The following STK10 variants were observed in gnomAD, a reference collection of about 807,000 sequenced individuals.
STK10 encodes serine/threonine-protein kinase 10.
In STK10, 78 loss-of-function variants were observed where a neutral mutation model predicts 113.8. That is an observed-to-expected ratio of 0.69 (90% confidence interval 0.57 to 0.83). The LOEUF (loss-of-function observed/expected upper bound fraction) is 0.83. Among genes scored for constraint, STK10 ranks in the 40% least tolerant of loss-of-function variants. The pLI is 0.00. For synonymous variants in STK10, 465 were observed against 494.7 expected (o/e 0.94, Z 0.80); for missense variants, 1,109 against 1,280.1 (o/e 0.87, Z 2.04).
chr5:172,184,465 T>G (rs1770916803), intron 1 of STK10, among the ~76,000 whole-genome samples: 1 of 152,078 alleles, frequency 6.6e-6, no homozygotes, highest in Non-Finnish European at 1.5e-5. Context: ...CATATGGGGT[T>G]GGCTTAGGTC....
At chr5:172,147,175 G>C (rs964270909) in intron 2 of STK10, among the ~76,000 whole-genome samples, 1 of 152,158 alleles carries the variant, frequency 6.6e-6, no homozygotes, top group Non-Finnish European at 1.5e-5. Context: ...GTGAGGCTGG[G>C]GGAAGGGGCA....
At chr5:172,051,373 C>G (rs1767623793) in intron 18 of STK10, among the ~76,000 whole-genome samples, 1 of 152,060 alleles carries the variant, frequency 6.6e-6, no homozygotes, top group African/African-American at 2.4e-5. Flanking sequence ...GCCTGTAATC[C>G]CAGCACTTTG....
intron 3 of STK10, among the ~76,000 whole-genome samples, chr5:172,126,781 G>C (rs1177580971): frequency 6.6e-6 from 1 of 152,168 alleles, no homozygotes; most frequent in African/African-American, 2.4e-5. Context: ...TTTACTGAAT[G>C]TGTGGGTATC....
intron 1 of STK10, among the ~76,000 whole-genome samples, chr5:172,180,938 T>G (rs1340013326): frequency 6.6e-6 from 1 of 152,216 alleles, no homozygotes; most frequent in South Asian, 2.1e-4. Context: ...AGGGAGTGAT[T>G]CTGCTATAAT....
At chr5:172,173,964 G>A (rs1456576188) in intron 1 of STK10, among the ~76,000 whole-genome samples, 1 of 152,206 alleles carries the variant, frequency 6.6e-6, no homozygotes, top group African/African-American at 2.4e-5. Flanking sequence ...GAGGTGACTT[G>A]CCCAAAGTCA....
intron 1 of STK10, 107 bp from the exon 2 acceptor site, chr5:172,156,895 C>G: frequency 7.6e-7 from 1 of 1,316,738 alleles, no homozygotes; most frequent in South Asian, 1.4e-5. Flanking sequence ...GGCCGGATGT[C>G]CAGATGCTGA....
intron 2 of STK10, among the ~76,000 whole-genome samples, chr5:172,134,923 CAAAAAA>C (rs546228084): frequency 7.9e-6 from 1 of 126,726 alleles, no homozygotes; most frequent in Admixed American, 8.1e-5. Context: ...GACTTTATCT[CAAAAAA>C]AAAAAGAAAA....
chr5:172,080,436 C>G (rs1341143296), intron 12 of STK10, among the ~76,000 whole-genome samples: 1 of 152,210 alleles, frequency 6.6e-6, no homozygotes, highest in East Asian at 1.9e-4. Context: ...AGAAAACCTA[C>G]TGGGTCAAAA....
intron 2 of STK10, among the ~76,000 whole-genome samples, chr5:172,135,725 G>A (rs969574483): frequency 2.0e-5 from 3 of 152,126 alleles, no homozygotes; most frequent in Admixed American, 2.0e-4. Context: ...ATGTTCATTA[G>A]CTAAACAGAC....
intron 1 of STK10, among the ~76,000 whole-genome samples, chr5:172,157,581 T>C (rs1770377276): frequency 1.3e-5 from 2 of 152,112 alleles, no homozygotes; most frequent in Admixed American, 1.3e-4. Flanking sequence ...TTTTTAAATC[T>C]GTTTAAAAAT....
In STK10 at chr5:172,106,773, G is replaced by T. The variant is rs771114884; in HGVS notation, c.635C>A (p.Thr212Lys). Residue 212 changes from threonine (T) to lysine (K), a missense_variant, in exon 6 of 19, where the codon ACG (threonine) becomes AAG (lysine). Thr to Lys is a moderately conservative substitution (Grantham distance 78, BLOSUM62 -1). Coordinates refer to ENST00000176763, the MANE Select transcript of STK10 (RefSeq NM_005990.4). ...EVVMCETMKD[T>K]PYDYKADIWS... is the part of the protein sequence containing the mutation. ...GATGTCGGCTTTGTAGTCGTAGGGCGTGTCTTTCATGGTCTCACACATGAC... is the reference window on the plus strand; with the variant it reads ...GATGTCGGCTTTGTAGTCGTAGGGCTTGTCTTTCATGGTCTCACACATGAC... 1 of 1,614,164 alleles carries T rather than the reference G, an allele frequency of 6.2e-7. No individual in the cohort carries two copies. Among genetic ancestry groups the T allele is most frequent in the South Asian group, 1.1e-5 (1 of 91,082 alleles).
At position 172,055,310 on chromosome 5, in the gene STK10, C is replaced by A; in HGVS notation, c.2526+278G>T. Among the ~76,000 whole-genome samples, 3 of 152,144 alleles carry A rather than the reference C, an allele frequency of 2.0e-5. No individual in the cohort carries two copies. The South Asian group carries it at 6.2e-4, about 32-fold the overall frequency. On this transcript the variant is annotated intron_variant, in intron 16 of 18. Transcript: ENST00000176763. ...TGCCTCCCGGGCTCAAGCGATCCTC[C>A]CACCTCGGCCTTCCAAATAGCCACC...
At chr5:172,102,543 C>G (rs114924598) in intron 7 of STK10, among the ~76,000 whole-genome samples, 6,742 of 152,146 alleles carry the variant, frequency 0.044, 207 homozygotes, top group Non-Finnish European at 0.07. Flanking sequence ...CACTAATGAG[C>G]TGGGGCAAAG....
At chr5:172,068,736 G>C (rs767818927) in intron 12 of STK10, among the ~76,000 whole-genome samples, 55 of 151,980 alleles carry the variant, frequency 3.6e-4, no homozygotes, top group Middle Eastern at 3.2e-3. Flanking sequence ...TGGGCGGATT[G>C]CTTGAGGCCA....
chr5:172,130,691 A>G (rs1187561079), intron 2 of STK10, among the ~76,000 whole-genome samples: 2 of 152,182 alleles, frequency 1.3e-5, no homozygotes, highest in African/African-American at 2.4e-5. Context: ...ATGACCCTGG[A>G]TAAGTCAATC....
chr5:172,122,983 C>T (rs185985268), intron 3 of STK10, among the ~76,000 whole-genome samples: 86 of 152,304 alleles, frequency 5.6e-4, no homozygotes, highest in Non-Finnish European at 1.2e-3. Flanking sequence ...CCAATCAGAA[C>T]AGGCCCTGGA....
chr5:172,046,374 T>C (rs78421643), intron 18 of STK10, among the ~76,000 whole-genome samples: 17 of 109,812 alleles, frequency 1.5e-4, no homozygotes, highest in Non-Finnish European at 3.6e-4. Flanking sequence ...AAAAAAAAAA[T>C]TTTTTTTACA....
chr5:172,121,183 G>A (rs1030056535), intron 3 of STK10, among the ~76,000 whole-genome samples: 1 of 151,412 alleles, frequency 6.6e-6, no homozygotes, highest in African/African-American at 2.4e-5. Context: ...CATGTGCCAC[G>A]ACGCCCGGCT....
At chr5:172,146,624 C>T (rs1318033067) in intron 2 of STK10, among the ~76,000 whole-genome samples, 1 of 152,206 alleles carries the variant, frequency 6.6e-6, no homozygotes, top group African/African-American at 2.4e-5. Flanking sequence ...AGAGGGGCAG[C>T]CACACCCAGC....
Sources: gnomAD v4.1 joint callset for allele counts (sites outside exome capture counted in the v4.1 genomes callset) on GRCh38, gnomAD v4.1.1 for gene constraint, MANE v1.5 for transcripts, NCBI Gene and HGNC (gene_info 2026-07-23, HGNC 2026-07-21) for gene names.